Variants in EIF3B observed in about 807,000 individuals in gnomAD.
EIF3B encodes the protein eukaryotic translation initiation factor 3 subunit B.
A neutral mutation model predicts 104.6 loss-of-function variants in EIF3B; 10 were observed. The ratio of observed to expected loss-of-function variants is 0.10; its 90% CI spans 0.06 to 0.16. EIF3B has a LOEUF of 0.16. EIF3B is among the 10% of genes least tolerant of loss of function. EIF3B has a pLI of 1.00. For synonymous variants in EIF3B, 542 were observed against 417.2 expected (o/e 1.30, Z -3.65); for missense variants, 1,014 against 1,087.9 (o/e 0.93, Z 0.96).
At chr7:2,378,364 G>T (rs1780786375) in intron 15 of EIF3B, 6 of 307,272 alleles carry the variant, frequency 2.0e-5, no homozygotes, top group Non-Finnish European at 3.6e-5. Context: ...ATGGAGGAAG[G>T]AACAGGCGAG....
At position 2,355,412 on chromosome 7, in the gene EIF3B, G is replaced by C; in HGVS notation, c.491G>C (p.Ser164Thr). 6.8e-7 allele frequency: 1 copy of C among 1,465,652 alleles called. No homozygotes were observed. The highest frequency in any genetic ancestry group is 9.0e-7 in the Non-Finnish European group (1 of 1,108,290). 90.8% of individuals were successfully genotyped at this position (1,465,652 alleles called of 1,614,324 possible). A position where few individuals can be genotyped will look rare whatever the true frequency, so the allele number is the denominator to read the frequency against. ...SDPEDFVDDV[S>T]EEELLGDVLK... is the part of the protein sequence containing the mutation. The stretch of plus-strand genomic sequence containing the variant: ...CCCGAGGACTTCGTGGACGACGTGA[G>C]CGAGGAAGGTGAGGGCGCCCGGGGC... Residue 164 changes from serine to threonine, a missense_variant, in exon 1 of 19, where the codon AGC becomes ACC. Physicochemically the swap from Ser to Thr is moderately conservative, Grantham distance 58 (BLOSUM62 1). Around this residue, in one of 4 missense-constraint regions of EIF3B, gnomAD observed 488 missense variants for 404.3 expected, o/e 1.21. Transcript: ENST00000360876.
rs1779805466 is a variant in EIF3B, at chr7:2,362,735, C to T, written c.783C>T (p.Phe261=). The T allele has an allele frequency of 6.2e-7, 1 of 1,614,192 alleles. No individual in the cohort carries two copies. Among genetic ancestry groups the T allele is most frequent in the Non-Finnish European group, 8.5e-7 (1 of 1,180,040 alleles). Reference sequence around the variant, plus strand: ...ACAAGCTTGACAAGCAGCACACATTCCGGGTCAACCTCTTTACGGATTTTG... The same window carrying T: ...ACAAGCTTGACAAGCAGCACACATTTCGGGTCAACCTCTTTACGGATTTTG... The part of the protein sequence containing the change: ...DGYKLDKQHT[F]RVNLFTDFDK... The change falls in exon 3 of 19, where the codon TTC becomes TTT. Residue 261 remains phenylalanine (F), a synonymous_variant. Coordinates refer to ENST00000360876, the MANE Select transcript of EIF3B (RefSeq NM_001037283.2).
intron 9 of EIF3B, among the ~76,000 whole-genome samples, chr7:2,367,825 ATTTTTTTTTTTTTTTTTTTT>A (rs71026506): frequency 3.3e-5 from 2 of 60,310 alleles, no homozygotes; most frequent in South Asian, 8.1e-4. Flanking sequence ...TTTTTTTAAA[ATTTTTTTTTTTTTTTTTTTT>A]TTTTTTTTTT....
chr7:2,379,642 G>T, intron 18 of EIF3B, 131 bp downstream of exon 18: 2 of 662,924 alleles, frequency 3.0e-6, no homozygotes, highest in Non-Finnish European at 5.2e-6. Flanking sequence ...TGTGCCCAGG[G>T]TTAGCTGAGC....
chr7:2,360,442 A>G (rs1210672994), intron 1 of EIF3B, among the ~76,000 whole-genome samples: 1 of 152,120 alleles, frequency 6.6e-6, no homozygotes, highest in Non-Finnish European at 1.5e-5. Context: ...TTTCACTGTT[A>G]TTCTCCTGTA....
rs142978829 is a variant in EIF3B, at chr7:2,368,571, T to A, written c.1404-901T>A. 9.8e-5 allele frequency among the ~76,000 whole-genome samples: 15 copies of A among 152,314 alleles called. No homozygotes were observed. The East Asian group carries it at 2.1e-3, about 22-fold the overall frequency. ...AGTGACCCCTTCCCGTGCCTAGAAA[T>A]GAATTTTCAAGGCCAGAGCCTTGAG... On this transcript the variant is annotated intron_variant, in intron 9 of 18. Coordinates refer to ENST00000360876, the MANE Select transcript of EIF3B (RefSeq NM_001037283.2).
Position 2,354,975 on chromosome 7 carries a change from G to A in EIF3B, c.54G>A (p.Glu18=), listed in dbSNP as rs1369490620. Residue 18 remains glutamate, a synonymous_variant, in exon 1 of 19, where the codon GAG becomes GAA. Coordinates refer to ENST00000360876, the MANE Select transcript of EIF3B (RefSeq NM_001037283.2). ...CCGAGGCGGCCGAGGAGCGCGCCGA[G>A]CCCGGCCAGCAGCAGCCGGCCGCCG... ...AVPEAAEERA[E]PGQQQPAAEP... 9.3e-6 allele frequency: 11 copies of A among 1,185,748 alleles called. No individual in the cohort carries two copies. The highest frequency in any genetic ancestry group is 1.1e-5 in the Non-Finnish European group (11 of 959,528). 73.5% of individuals were successfully genotyped at this position (1,185,748 alleles called of 1,614,324 possible).
intron 10 of EIF3B, 58 bp downstream of exon 10, chr7:2,369,740 C>A: frequency 7.9e-7 from 1 of 1,270,128 alleles, no homozygotes; most frequent in South Asian, 1.2e-5. Flanking sequence ...AAGTGGCCAC[C>A]GTATTGTTTG....
chr7:2,367,825 A>ATTTTTTTTTTTTTTT (rs71026506), intron 9 of EIF3B, among the ~76,000 whole-genome samples: 8 of 60,310 alleles, frequency 1.3e-4, no homozygotes, highest in African/African-American at 6.0e-4. Context: ...TTTTTTTAAA[A>ATTTTTTTTTTTTTTT]TTTTTTTTTT....
At chr7:2,380,009 G>A (rs958246327) in intron 18 of EIF3B, 195 bp from the exon 19 acceptor site, 3 of 263,594 alleles carry the variant, frequency 1.1e-5, no homozygotes, top group Non-Finnish European at 2.3e-5. Flanking sequence ...GGCCTAATGG[G>A]GTGCCTGAGG....
At chr7:2,372,596 A>G (rs1780413931) in intron 11 of EIF3B, 77 bp from the exon 12 acceptor site, 1 of 1,525,894 alleles carries the variant, frequency 6.6e-7, no homozygotes, top group African/African-American at 1.4e-5. Flanking sequence ...GTGGTTGAAT[A>G]GTGAACATTT....
In EIF3B at chr7:2,355,055, C is replaced by T; in HGVS notation, c.134C>T (p.Ala45Val). Residue 45 changes from alanine (A) to valine (V), a missense_variant, in exon 1 of 19, where the codon GCC becomes GTC. Coordinates refer to ENST00000360876, the MANE Select transcript of EIF3B (RefSeq NM_001037283.2). ...CCCGCGGGGCCCGGCGCTCCGGAGG[C>T]CGCGGGGACCGAGGCCTCCAGTGAG... ...LRPAGPGAPE[A>V]AGTEASSEEV... The T allele has an allele frequency of 8.2e-7, 1 of 1,224,504 alleles. No homozygotes were observed. Among genetic ancestry groups the T allele is most frequent in the South Asian group, 3.6e-5 (1 of 27,620 alleles). The allele number at this position is 1,224,504 out of a possible 1,614,324, so 75.9% of individuals were successfully genotyped here.
At position 2,379,376 on chromosome 7, in the gene EIF3B, C is replaced by T. The variant is rs139310400; in HGVS notation, c.2342-18C>T. ...GGCATGTGCCCCCATGGGTGATCTG[C>T]GCCCTTTGTCCCCTCAGGGGTGGAC... On this transcript the variant is annotated intron_variant, in intron 17 of 18. Transcript: ENST00000360876. 2.9e-5 allele frequency: 45 copies of T among 1,571,470 alleles called. No homozygotes were observed. Among genetic ancestry groups the T allele is most frequent in the East Asian group, 7.0e-5 (3 of 42,968 alleles).
chr7:2,374,418 C>T lies in EIF3B; in HGVS notation c.1811-110C>T. ...TGTTTTCCGAGGTGGTCCAGCATTA[C>T]CAGCTCTGCCCTCATGGGCAGCATG... On this transcript the variant is annotated intron_variant, in intron 12 of 18. Coordinates refer to ENST00000360876, the MANE Select transcript of EIF3B (RefSeq NM_001037283.2). 4 of 962,870 alleles carry T rather than the reference C, an allele frequency of 4.2e-6. No individual in the cohort carries two copies. The Admixed American group carries it at 6.3e-5, about 15-fold the overall frequency. 59.6% of individuals were successfully genotyped at this position (962,870 alleles called of 1,614,324 possible).
At chr7:2,355,536 T>C in intron 1 of EIF3B, 116 bp downstream of exon 1, 1 of 1,340,458 alleles carries the variant, frequency 7.5e-7, no homozygotes, top group Non-Finnish European at 9.7e-7. Context: ...AGCGAGGGTG[T>C]CCGTGTGTTC....
rs1219677877 is a variant in EIF3B at position 2,354,979 on chromosome 7, G to A, written c.58G>A (p.Gly20Ser). 1 of 1,176,340 alleles carries A rather than the reference G, an allele frequency of 8.5e-7. No individual in the cohort carries two copies. Among genetic ancestry groups the A allele is most frequent in the Non-Finnish European group, 1.0e-6 (1 of 955,290 alleles). The allele number at this position is 1,176,340 out of a possible 1,614,324, so 72.9% of individuals were successfully genotyped here. The change falls in exon 1 of 19, where the codon GGC becomes AGC. Residue 20 changes from glycine (G) to serine (S), a missense_variant. Gly to Ser is a moderately conservative substitution (Grantham distance 56). Coordinates refer to ENST00000360876, the MANE Select transcript of EIF3B (RefSeq NM_001037283.2). The stretch of plus-strand genomic sequence containing the variant: ...GGCGGCCGAGGAGCGCGCCGAGCCC[G>A]GCCAGCAGCAGCCGGCCGCCGAGCC... ...PEAAEERAEPGQQQPAAEPPP... is the reference protein window; with the variant it reads ...PEAAEERAEPSQQQPAAEPPP...
chr7:2,371,561 C>T (rs1780340871), intron 10 of EIF3B, among the ~76,000 whole-genome samples: 1 of 152,182 alleles, frequency 6.6e-6, no homozygotes, highest in Admixed American at 6.5e-5. Flanking sequence ...TTACTTCATG[C>T]ATGTCCAGTG....
chr7:2,355,363 G>T lies in EIF3B; in HGVS notation c.442G>T (p.Ala148Ser), dbSNP rs1269840349. The stretch of plus-strand genomic sequence containing the variant: ...ACCCCGGGCGCTGGAGAACGGCGAC[G>T]CGGACGAGCCCTCCTTCAGCGACCC... ...AEPRALENGDADEPSFSDPED... is the reference protein window; with the variant it reads ...AEPRALENGDSDEPSFSDPED... The change falls in exon 1 of 19, where the codon GCG (alanine) becomes TCG (serine). Residue 148 changes from alanine (A) to serine (S), a missense_variant. By Grantham distance (99) the Ala-to-Ser change is moderately conservative. Transcript: ENST00000360876. 2 of 1,537,274 alleles carry T rather than the reference G, an allele frequency of 1.3e-6. No homozygotes were observed. Among genetic ancestry groups the T allele is most frequent in the Non-Finnish European group, 1.7e-6 (2 of 1,148,436 alleles).
At chr7:2,378,592 T>C (rs1028149001) in intron 15 of EIF3B, 97 bp from the exon 16 acceptor site, 6 of 1,052,310 alleles carry the variant, frequency 5.7e-6, no homozygotes, top group East Asian at 2.5e-5. Flanking sequence ...GTTCTGTGAA[T>C]GGCTTTGGGT....
Sources: allele counts gnomAD v4.1 joint callset (sites outside exome capture counted in the v4.1 genomes callset), GRCh38; gene constraint gnomAD v4.1.1; regional missense constraint gnomAD v4.1.1; transcripts MANE v1.5; gene names NCBI Gene and HGNC (gene_info 2026-07-23, HGNC 2026-07-21).